Variants in TFEC observed in about 807,000 individuals in gnomAD.
TFEC encodes the protein transcription factor EC.
Under a neutral mutation model 41.6 loss-of-function variants are expected in TFEC, and 31 were observed. That is an observed-to-expected ratio of 0.74 (90% CI 0.56 to 1.01). The LOEUF (loss-of-function observed/expected upper bound fraction) is 1.01. Ranked by LOEUF, TFEC falls within the 50% of genes least tolerant of loss-of-function variation. The pLI is 0.00. For missense variants in TFEC, 402 were observed against 404.1 expected (o/e 0.99, Z 0.04); for synonymous variants, 143 against 140.6 (o/e 1.02, Z -0.12).
Position 116,046,878 on chromosome 7 carries a change from C to T in TFEC, c.199-62365G>A, listed in dbSNP as rs545670316. ...GATAAATGATTCCCATATTCTCTCA[C>T]CAGAGAGGTGAGCTGTAACACAATC... On this transcript the variant is annotated intron_variant, in intron 3 of 8. Coordinates refer to the TFEC transcript ENST00000484212. Among the ~76,000 whole-genome samples the T allele has an allele frequency of 1.2e-4, 19 of 152,282 alleles. No homozygotes were observed. The South Asian group carries it at 3.9e-3, about 32-fold the overall frequency.
At chr7:116,152,099 G>C (rs1038761203) in intron 1 of TFEC, among the ~76,000 whole-genome samples, 5 of 152,062 alleles carry the variant, frequency 3.3e-5, no homozygotes, top group African/African-American at 1.2e-4. Flanking sequence ...GTGGTATTTA[G>C]GAGCAATTTG....
intron 3 of TFEC, among the ~76,000 whole-genome samples, chr7:116,072,915 A>T (rs189850518): frequency 4.0e-5 from 6 of 151,630 alleles, no homozygotes; most frequent in Admixed American, 3.9e-4. Context: ...ATACAAGGAT[A>T]CCCACTCTTG....
At chr7:116,047,789 C>G (rs139886098) in intron 3 of TFEC, among the ~76,000 whole-genome samples, 4,669 of 152,262 alleles carry the variant, frequency 0.031, 88 homozygotes, top group Non-Finnish European at 0.038. Flanking sequence ...CCAGGTGCCC[C>G]TCTGAGACGA....
intron 3 of TFEC, among the ~76,000 whole-genome samples, chr7:116,071,849 T>G (rs1478940100): frequency 6.6e-6 from 1 of 151,492 alleles, no homozygotes; most frequent in Non-Finnish European, 1.5e-5. Context: ...CTGAAACCTA[T>G]TTTCAGTTAC....
At chr7:115,974,143 G>T in intron 3 of TFEC, 27 bp downstream of exon 3, 2 of 1,553,592 alleles carry the variant, frequency 1.3e-6, no homozygotes, top group African/African-American at 1.4e-5. Context: ...CTGTTTCAAT[G>T]ACCTTCTTGG....
At chr7:116,088,446 TG>T (rs1797250532) in intron 3 of TFEC, among the ~76,000 whole-genome samples, 1 of 152,158 alleles carries the variant, frequency 6.6e-6, no homozygotes, top group East Asian at 1.9e-4. Context: ...TGAGACAGGA[TG>T]GTGACCATCT....
upstream of TFEC, among the ~76,000 whole-genome samples, chr7:116,032,933 C>G (rs1398302836): frequency 6.6e-6 from 1 of 152,034 alleles, no homozygotes. Context: ...GTATAGTATA[C>G]TACTTGCCAC....
chr7:116,157,546 A>G (rs560802697), intron 1 of TFEC, among the ~76,000 whole-genome samples: 2 of 152,016 alleles, frequency 1.3e-5, no homozygotes, highest in African/African-American at 2.4e-5. Flanking sequence ...TAAGTTTAGT[A>G]GGGAATGAGC....
At chr7:116,092,038 A>AT (rs1187723537) in intron 3 of TFEC, among the ~76,000 whole-genome samples, 1 of 152,156 alleles carries the variant, frequency 6.6e-6, no homozygotes, top group Non-Finnish European at 1.5e-5. Context: ...GCAAAATGCC[A>AT]TTTTAATGGA....
chr7:116,050,527 C>G (rs1193530568), intron 3 of TFEC, among the ~76,000 whole-genome samples: 1 of 152,182 alleles, frequency 6.6e-6, no homozygotes, highest in Non-Finnish European at 1.5e-5. Flanking sequence ...ATTTATGCAG[C>G]CAACAGACAC....
At chr7:115,945,394 C>G (rs1029555691) in intron 6 of TFEC, among the ~76,000 whole-genome samples, 3 of 151,498 alleles carry the variant, frequency 2.0e-5, no homozygotes, top group Non-Finnish European at 4.4e-5. Flanking sequence ...CCATGGTTCT[C>G]AGGTAGAGTC....
intron 3 of TFEC, among the ~76,000 whole-genome samples, chr7:116,053,500 C>T (rs1796362075): frequency 6.6e-6 from 1 of 152,168 alleles, no homozygotes; most frequent in African/African-American, 2.4e-5. Context: ...CATGTTGAAA[C>T]CTATTTCCCA....
At chr7:116,016,137 G>A (rs1273340255) in intron 1 of TFEC, among the ~76,000 whole-genome samples, 1 of 152,108 alleles carries the variant, frequency 6.6e-6, no homozygotes, top group Non-Finnish European at 1.5e-5. Context: ...AGAGTTTCAA[G>A]AAAAAAGTGG....
intron 1 of TFEC, among the ~76,000 whole-genome samples, chr7:116,128,538 T>C (rs1286428310): frequency 3.3e-5 from 5 of 152,152 alleles, no homozygotes; most frequent in Non-Finnish European, 5.9e-5. Flanking sequence ...TATTTTTATA[T>C]AAAAATAACT....
In TFEC at chr7:115,940,432, GAAC is replaced by G. The variant is rs1793428880; in HGVS notation, c.*116_*118del. The G allele has an allele frequency of 9.0e-7, 1 of 1,113,128 alleles. No homozygotes were observed. The highest frequency in any genetic ancestry group is 1.2e-6 in the Non-Finnish European group (1 of 815,910). The allele number at this position is 1,113,128 out of a possible 1,614,324, so 69.0% of individuals were successfully genotyped here. A position where few individuals can be genotyped will look rare whatever the true frequency, so the allele number is the denominator to read the frequency against. On this transcript the variant is annotated 3_prime_UTR_variant, in exon 8 of 8. Coordinates refer to ENST00000265440, the MANE Select transcript of TFEC (RefSeq NM_012252.4). ...TCTGTTGCTTCTATCAGTTTTTCAT[GAAC>G]AACACATTCCTTTAAGAAAAAAAAT...
At chr7:116,148,129 T>C (rs868504067) in intron 1 of TFEC, among the ~76,000 whole-genome samples, 4 of 152,102 alleles carry the variant, frequency 2.6e-5, no homozygotes, top group African/African-American at 7.2e-5. Context: ...GGAAGAGTGT[T>C]CCAGACAGAG....
At chr7:115,960,428 A>G (rs925925338) in intron 3 of TFEC, among the ~76,000 whole-genome samples, 1 of 151,818 alleles carries the variant, frequency 6.6e-6, no homozygotes, top group East Asian at 1.9e-4. Context: ...TATTTAAAGA[A>G]TATGCTCAAA....
chr7:116,147,290 A>T (rs1407866721), intron 1 of TFEC, among the ~76,000 whole-genome samples: 1 of 152,256 alleles, frequency 6.6e-6, no homozygotes, highest in Non-Finnish European at 1.5e-5. Flanking sequence ...CTATATCTAG[A>T]CATATTATAG....
At chr7:115,946,304 G>A (rs924854677) in intron 6 of TFEC, among the ~76,000 whole-genome samples, 39 of 150,440 alleles carry the variant, frequency 2.6e-4, no homozygotes, top group African/African-American at 8.3e-4. Context: ...GACAAATATT[G>A]CATTCCCTTT....
Sources: allele counts gnomAD v4.1 joint callset (sites outside exome capture counted in the v4.1 genomes callset), GRCh38; gene constraint gnomAD v4.1.1; transcripts MANE v1.5; gene names NCBI Gene and HGNC (gene_info 2026-07-23, HGNC 2026-07-21).